The following LOC400499 variants were observed in gnomAD, a reference collection of about 807,000 sequenced individuals.
the LOC400499 span, chr16:11,439,363 A>T: frequency 2.5e-5 from 10 of 396,316 alleles, no homozygotes; most frequent in African/African-American, 2.1e-4. Flanking sequence ...CAACATTGCA[A>T]GTGTGGGCTC....
the LOC400499 span, chr16:11,392,829 T>C: frequency 0.21 from 203,321 of 947,300 alleles, 24,650 homozygotes; most frequent in African/African-American, 0.3. Context: ...CATCACCCCC[T>C]ACCCCACCAG....
At chr16:11,407,758 G>T in the LOC400499 span, among the ~76,000 whole-genome samples, 1 of 152,154 alleles carries the variant, frequency 6.6e-6, no homozygotes, top group Admixed American at 6.6e-5. Flanking sequence ...TCTCCAGCTA[G>T]TTCCTTAACC....
At chr16:11,506,280 C>A in the LOC400499 span, among the ~76,000 whole-genome samples, 6 of 152,308 alleles carry the variant, frequency 3.9e-5, no homozygotes, top group Admixed American at 3.3e-4. Context: ...CCGCCTCAGC[C>A]TCCCAAAGTG....
At chr16:11,444,152 C>T in the LOC400499 span, among the ~76,000 whole-genome samples, 3 of 152,156 alleles carry the variant, frequency 2.0e-5, no homozygotes, top group Non-Finnish European at 4.4e-5. Flanking sequence ...AATCCCAGCA[C>T]TTTGGAAGGT....
At chr16:11,460,768 T>G in the LOC400499 span, among the ~76,000 whole-genome samples, 1 of 152,222 alleles carries the variant, frequency 6.6e-6, no homozygotes, top group Non-Finnish European at 1.5e-5. Flanking sequence ...GGGGAGGTGT[T>G]AAGAGATGGG....
At chr16:11,457,171 C>A in the LOC400499 span, 1 of 835,556 alleles carries the variant, frequency 1.2e-6, no homozygotes, top group Middle Eastern at 3.6e-4. Context: ...GGGAGTGGAA[C>A]GCAGTCCAAA....
At chr16:11,460,057 G>C in the LOC400499 span, 25 of 1,411,654 alleles carry the variant, frequency 1.8e-5, no homozygotes, top group Admixed American at 4.9e-5. Flanking sequence ...AGCTGGACCT[G>C]GGACACACAT....
At chr16:11,513,784 GAATTA>G in the LOC400499 span, among the ~76,000 whole-genome samples, 2 of 152,010 alleles carry the variant, frequency 1.3e-5, no homozygotes, top group African/African-American at 2.4e-5. Flanking sequence ...GTTTTGATGA[GAATTA>G]AATTAAATTA....
At chr16:11,477,093 A>T in the LOC400499 span, 1 of 398,852 alleles carries the variant, frequency 2.5e-6, no homozygotes, top group Non-Finnish European at 4.4e-6. Context: ...TACATGCGCC[A>T]AGCACTTTCC....
the LOC400499 span, among the ~76,000 whole-genome samples, chr16:11,435,151 T>A: frequency 4.0e-5 from 6 of 151,814 alleles, no homozygotes; most frequent in Non-Finnish European, 8.8e-5. Flanking sequence ...GGCTATTTTT[T>A]AAAAATTTTC....
chr16:11,392,814 G>T, the LOC400499 span: 4 of 982,480 alleles, frequency 4.1e-6, no homozygotes. Flanking sequence ...GAGACCACAG[G>T]AACACATCAC....
chr16:11,522,201 C>G, the LOC400499 span: 201 of 398,232 alleles, frequency 5.0e-4, no homozygotes, highest in Admixed American at 1.0e-3. Flanking sequence ...CTTGCTCACA[C>G]CTCTCTCTCT....
chr16:11,514,374 C>A, the LOC400499 span: 1 of 399,236 alleles, frequency 2.5e-6, no homozygotes, highest in Non-Finnish European at 4.4e-6. Flanking sequence ...CCCGCTGGAT[C>A]TTGGGGCATC....
the LOC400499 span, chr16:11,393,473 G>A: frequency 1.9e-5 from 23 of 1,232,162 alleles, no homozygotes; most frequent in African/African-American, 1.7e-4. Context: ...TGTTGTCCAC[G>A]CTTCCCTCCA....
chr16:11,377,547 T>C, the LOC400499 span, among the ~76,000 whole-genome samples: 1 of 152,228 alleles, frequency 6.6e-6, no homozygotes, highest in Non-Finnish European at 1.5e-5. Flanking sequence ...AAATGCTTTT[T>C]CTTCACTAAC....
the LOC400499 span, among the ~76,000 whole-genome samples, chr16:11,438,666 G>A: frequency 1.3e-5 from 2 of 149,322 alleles, no homozygotes; most frequent in Non-Finnish European, 3.0e-5. Flanking sequence ...GCAGGTGCCT[G>A]TGGTACCAGC....
chr16:11,466,441 A>G, the LOC400499 span, among the ~76,000 whole-genome samples: 1 of 151,972 alleles, frequency 6.6e-6, no homozygotes, highest in Non-Finnish European at 1.5e-5. Flanking sequence ...AGGCTGCAGT[A>G]AAGTGGCGTG....
chr16:11,452,016 C>T, the LOC400499 span, among the ~76,000 whole-genome samples: 20 of 152,244 alleles, frequency 1.3e-4, no homozygotes, highest in Non-Finnish European at 2.8e-4. Flanking sequence ...GGAAACCCAC[C>T]GGTCTGCACA....
the LOC400499 span, among the ~76,000 whole-genome samples, chr16:11,397,061 CCATG>C: frequency 3.9e-5 from 6 of 152,330 alleles, no homozygotes; most frequent in African/African-American, 1.4e-4. Context: ...TGACCATAGA[CCATG>C]CATCTCTAGT....
Sources: allele counts gnomAD v4.1 joint callset (sites outside exome capture counted in the v4.1 genomes callset), GRCh38; gene constraint gnomAD v4.1.1; transcripts MANE v1.5.